Variants in DDX42 observed in about 807,000 individuals in gnomAD.
DDX42 encodes the protein ATP-dependent RNA helicase DDX42.
DDX42 carries 22 observed loss-of-function variants against 101.5 expected under a neutral mutation model. That is an observed-to-expected ratio of 0.22 (90% CI 0.15 to 0.31). The LOEUF (loss-of-function observed/expected upper bound fraction) is 0.31, where lower values mean the gene tolerates loss of function less well. DDX42 is among the 10% of genes least tolerant of loss of function. The probability of loss-of-function intolerance (pLI) is 1.00; values close to 1 mark genes in which losing one functional copy is unlikely to be tolerated. For missense variants in DDX42, 849 were observed against 1,199.9 expected, an observed-to-expected ratio of 0.71 and a Z score of 4.32; for synonymous variants, 402 against 401.2, an observed-to-expected ratio of 1.00 and a Z score of -0.02.
At chr17:63,777,037 G>A (rs544143670) in intron 1 of DDX42, among the ~76,000 whole-genome samples, 19 of 152,150 alleles carry the variant, frequency 1.2e-4, no homozygotes, top group Non-Finnish European at 1.2e-4. Flanking sequence ...CTCCTGAGCA[G>A]CTAGGACTAC....
At chr17:63,775,887 A>G (rs888402972) in intron 1 of DDX42, among the ~76,000 whole-genome samples, 5 of 152,378 alleles carry the variant, frequency 3.3e-5, no homozygotes, top group South Asian at 2.1e-4. Context: ...GTTTTGTTAC[A>G]TTGATAGTCA....
chr17:63,785,962 A>G (rs1373125187), intron 1 of DDX42, among the ~76,000 whole-genome samples: 1 of 152,212 alleles, frequency 6.6e-6, no homozygotes, highest in African/African-American at 2.4e-5. Context: ...AGTCTTTCAT[A>G]TAAGGATGAA....
At chr17:63,793,943 T>C (rs955113733) in intron 3 of DDX42, among the ~76,000 whole-genome samples, 4 of 151,558 alleles carry the variant, frequency 2.6e-5, no homozygotes, top group Admixed American at 6.6e-5. Context: ...CCAAATCATA[T>C]TGGTACTTAA....
At chr17:63,781,438 T>C (rs1412980300) in intron 1 of DDX42, among the ~76,000 whole-genome samples, 1 of 151,924 alleles carries the variant, frequency 6.6e-6, no homozygotes, top group African/African-American at 2.4e-5. Flanking sequence ...AGGATGGTCT[T>C]GATCTCCTGA....
chr17:63,806,661 A>G lies in DDX42; in HGVS notation c.846+7A>G, dbSNP rs2039844821. ...CACTCCAATACAGTGCCAGGTAAGT[A>G]AAACATAATGAAAGAAAAATAAAGT... is the stretch of plus-strand genomic sequence containing the variant. On this transcript the variant is annotated splice_region_variant and intron_variant, in intron 8 of 17. Coordinates refer to ENST00000389924, the MANE Select transcript of DDX42 (RefSeq NM_203499.3). 1 of 1,596,500 alleles carries G rather than the reference A, an allele frequency of 6.3e-7. No individual in the cohort carries two copies. The highest frequency in any genetic ancestry group is 1.8e-5 in the Admixed American group (1 of 55,884).
At chr17:63,795,546 G>A (rs756292426) in intron 3 of DDX42, among the ~76,000 whole-genome samples, 2 of 152,062 alleles carry the variant, frequency 1.3e-5, no homozygotes, top group South Asian at 2.1e-4. Flanking sequence ...TTCCCAGGCC[G>A]GTCTCAAACT....
At chr17:63,816,317 AATG>A (rs1183064565) in intron 16 of DDX42, among the ~76,000 whole-genome samples, 7 of 152,336 alleles carry the variant, frequency 4.6e-5, no homozygotes, top group Admixed American at 3.3e-4. Flanking sequence ...TTATAATAAT[AATG>A]ATGATGATGC....
intron 1 of DDX42, among the ~76,000 whole-genome samples, chr17:63,784,456 A>G (rs962757641): frequency 1.3e-5 from 2 of 152,198 alleles, no homozygotes; most frequent in Non-Finnish European, 2.9e-5. Flanking sequence ...TGTAATGGAT[A>G]CTTTTTCATA....
chr17:63,811,611 A>G (rs1367315267), intron 13 of DDX42: 1 of 473,390 alleles, frequency 2.1e-6, no homozygotes, highest in African/African-American at 1.9e-5. Flanking sequence ...CATATGCGCT[A>G]TGTGAAAAAT....
intron 1 of DDX42, among the ~76,000 whole-genome samples, chr17:63,777,218 A>AT (rs1455899549): frequency 6.6e-6 from 1 of 151,456 alleles, no homozygotes; most frequent in East Asian, 2.0e-4. Context: ...CAGCCATAGG[A>AT]TTTAGTGCCT....
chr17:63,802,163 G>A (rs2039778750), intron 6 of DDX42, among the ~76,000 whole-genome samples: 1 of 152,042 alleles, frequency 6.6e-6, no homozygotes, highest in Admixed American at 6.6e-5. Flanking sequence ...CGTATTCTCT[G>A]TTCTCAGACC....
chr17:63,787,350 A>G (rs933541552), intron 2 of DDX42, 80 bp downstream of exon 2: 1 of 1,394,660 alleles, frequency 7.2e-7, no homozygotes, highest in African/African-American at 1.5e-5. Flanking sequence ...AGGCAAAGAA[A>G]CTTTGTTTCT....
chr17:63,809,666 C>A lies in DDX42; in HGVS notation c.1252+7C>A. On this transcript the variant is annotated splice_region_variant and intron_variant, in intron 11 of 17. Coordinates refer to ENST00000389924, the MANE Select transcript of DDX42 (RefSeq NM_203499.3). Reference sequence around the variant, plus strand: ...ATGTTTGACATGGGATTTGGTATGCCTTGAATACCAGTTTCTTCTGTCCCC... The same window carrying A: ...ATGTTTGACATGGGATTTGGTATGCATTGAATACCAGTTTCTTCTGTCCCC... 6.2e-7 allele frequency: 1 copy of A among 1,602,684 alleles called. No individual in the cohort carries two copies. The highest frequency in any genetic ancestry group is 8.6e-7 in the Non-Finnish European group (1 of 1,169,562).
At position 63,800,534 on chromosome 17, in the gene DDX42, A is replaced by G. The variant is rs2039749796; in HGVS notation, c.538A>G (p.Asn180Asp). 1.9e-6 allele frequency: 3 copies of G among 1,614,102 alleles called. 1 individual carries two copies. In the South Asian group the frequency reaches 3.3e-5, roughly 18 times the overall value. ...AGVVQEEEED[N>D]LEYDSDGNPI... Reference sequence around the variant, plus strand: ...TGTGGTTCAGGAGGAAGAGGAAGACAATCTAGAATATGATAGTGACGGAAA... The same window carrying G: ...TGTGGTTCAGGAGGAAGAGGAAGACGATCTAGAATATGATAGTGACGGAAA... The change falls in exon 6 of 18, where the codon AAT becomes GAT. Residue 180 changes from asparagine (N) to aspartate (D), a missense_variant. Physicochemically the swap from Asn to Asp is conservative, Grantham distance 23. Coordinates refer to ENST00000389924, the MANE Select transcript of DDX42 (RefSeq NM_203499.3).
chr17:63,781,188 G>T (rs1289727539), intron 1 of DDX42, among the ~76,000 whole-genome samples: 1 of 151,928 alleles, frequency 6.6e-6, no homozygotes, highest in African/African-American at 2.4e-5. Context: ...ATGACTCCTG[G>T]TTGCCTATAC....
intron 1 of DDX42, among the ~76,000 whole-genome samples, chr17:63,784,943 T>C (rs183341210): frequency 2.1e-3 from 318 of 152,278 alleles, no homozygotes; most frequent in African/African-American, 7.2e-3. Flanking sequence ...GAAATAGATA[T>C]CTATTGACAT....
chr17:63,814,675 CTTTTTTTTTT>C (rs58211962), intron 15 of DDX42, among the ~76,000 whole-genome samples: 3 of 90,456 alleles, frequency 3.3e-5, no homozygotes, highest in South Asian at 4.3e-4. Context: ...GAGACATTTG[CTTTTTTTTTT>C]TTTTTTTTTT....
Position 63,816,653 on chromosome 17 carries a change from G to A in DDX42, c.2014-215G>A, listed in dbSNP as rs1320489733. The A allele has an allele frequency of 3.1e-5, 13 of 414,928 alleles. No homozygotes were observed. The East Asian group carries it at 4.8e-4, about 15-fold the overall frequency. 25.7% of individuals were successfully genotyped at this position (414,928 alleles called of 1,614,324 possible). The stretch of plus-strand genomic sequence containing the variant: ...AATCTGATTGCATTTCTGTTTAATA[G>A]GGTTAATTTCCAGAAATAGAATTTC... On this transcript the variant is annotated intron_variant, in intron 16 of 17. Coordinates refer to ENST00000389924, the MANE Select transcript of DDX42 (RefSeq NM_203499.3).
chr17:63,789,347 G>C (rs1335350785), intron 2 of DDX42, among the ~76,000 whole-genome samples: 1 of 151,946 alleles, frequency 6.6e-6, no homozygotes, highest in Non-Finnish European at 1.5e-5. Context: ...CCAAAATGCT[G>C]GAATTAAAGG....
Sources: gnomAD v4.1 joint callset for allele counts (sites outside exome capture counted in the v4.1 genomes callset) on GRCh38, gnomAD v4.1.1 for gene constraint, MANE v1.5 for transcripts, NCBI Gene and HGNC (gene_info 2026-07-23, HGNC 2026-07-21) for gene names.